The following ENOX1 variants were observed in gnomAD, a reference collection of about 807,000 sequenced individuals.
ENOX1 encodes ecto-NOX disulfide-thiol exchanger 1.
A neutral mutation model predicts 82.5 loss-of-function variants in ENOX1; 42 were observed. The observed-to-expected ratio is 0.51, with a 90% confidence interval of 0.40 to 0.66. The LOEUF is 0.66. Among genes scored for constraint, ENOX1 ranks in the 30% least tolerant of loss-of-function variants. The pLI is 0.00. For missense variants in ENOX1, 608 were observed against 811.6 expected, an observed-to-expected ratio of 0.75 and a Z score of 3.05; for synonymous variants, 271 against 282.2, an observed-to-expected ratio of 0.96 and a Z score of 0.40.
intron 1 of ENOX1, among the ~76,000 whole-genome samples, chr13:43,733,685 G>T (rs2089464178): frequency 6.6e-6 from 1 of 151,940 alleles, no homozygotes; most frequent in Non-Finnish European, 1.5e-5. Flanking sequence ...CTGCATCATT[G>T]ACATAAAAAA....
chr13:43,768,723 T>C (rs1368623403), intron 1 of ENOX1, among the ~76,000 whole-genome samples: 1 of 152,234 alleles, frequency 6.6e-6, no homozygotes, highest in Non-Finnish European at 1.5e-5. Flanking sequence ...CTTTATCTCA[T>C]CTATTTTTAC....
chr13:43,311,839 A>T (rs1280949617), intron 11 of ENOX1, among the ~76,000 whole-genome samples: 4 of 152,234 alleles, frequency 2.6e-5, no homozygotes, highest in African/African-American at 7.2e-5. Context: ...TTGTATTATG[A>T]CATTGTTTAA....
At chr13:43,528,177 A>C (rs1016398320) in intron 2 of ENOX1, among the ~76,000 whole-genome samples, 1 of 152,142 alleles carries the variant, frequency 6.6e-6, no homozygotes, top group Non-Finnish European at 1.5e-5. Flanking sequence ...ACAGACTTCT[A>C]GACCCACCTT....
intron 2 of ENOX1, among the ~76,000 whole-genome samples, chr13:43,516,291 C>T (rs1235251392): frequency 6.6e-6 from 1 of 152,160 alleles, no homozygotes; most frequent in African/African-American, 2.4e-5. Flanking sequence ...TCAGATAAAA[C>T]ATCTTTGAAG....
chr13:43,478,986 A>G (rs1239339084), intron 3 of ENOX1, among the ~76,000 whole-genome samples: 1 of 152,198 alleles, frequency 6.6e-6, no homozygotes, highest in Admixed American at 6.5e-5. Context: ...AAACTCCCCA[A>G]AGGTCAATTG....
intron 9 of ENOX1, among the ~76,000 whole-genome samples, chr13:43,327,946 C>A (rs1340091380): frequency 6.6e-6 from 1 of 152,142 alleles, no homozygotes; most frequent in Non-Finnish European, 1.5e-5. Context: ...TTACTATTTT[C>A]CACTTCAGGA....
At chr13:43,542,431 CTTTTTTTT>C (rs775618771) in intron 2 of ENOX1, among the ~76,000 whole-genome samples, 1 of 117,914 alleles carries the variant, frequency 8.5e-6, no homozygotes, top group Admixed American at 9.1e-5. Flanking sequence ...TGTGCCCGGC[CTTTTTTTT>C]TTTTTTTTTT....
intron 11 of ENOX1, among the ~76,000 whole-genome samples, chr13:43,317,260 GT>G (rs1338933309): frequency 6.6e-6 from 1 of 152,214 alleles, no homozygotes; most frequent in Non-Finnish European, 1.5e-5. Flanking sequence ...CTAAAAGGAA[GT>G]TTCTACCAGT....
At chr13:43,386,267 T>C (rs1214138911) in intron 5 of ENOX1, among the ~76,000 whole-genome samples, 3 of 152,218 alleles carry the variant, frequency 2.0e-5, no homozygotes, top group Non-Finnish European at 4.4e-5. Flanking sequence ...ACAGGATTCA[T>C]GTTACACATC....
chr13:43,659,727 G>A (rs1328582282), intron 2 of ENOX1, among the ~76,000 whole-genome samples: 1 of 152,112 alleles, frequency 6.6e-6, no homozygotes, highest in Non-Finnish European at 1.5e-5. Flanking sequence ...TTCCTTGAGG[G>A]AATCCCTGAT....
intron 1 of ENOX1, among the ~76,000 whole-genome samples, chr13:43,681,132 A>G (rs986960655): frequency 1.2e-4 from 18 of 152,260 alleles, no homozygotes; most frequent in African/African-American, 4.3e-4. Context: ...TCCTTCCTCA[A>G]GCATTGAGCT....
At chr13:43,622,181 T>C (rs2082763297) in intron 2 of ENOX1, among the ~76,000 whole-genome samples, 1 of 152,260 alleles carries the variant, frequency 6.6e-6, no homozygotes, top group Non-Finnish European at 1.5e-5. Flanking sequence ...TGCATTGGGC[T>C]TCACCTTTCT....
chr13:43,726,038 AATACC>A (rs1193337903), intron 1 of ENOX1, among the ~76,000 whole-genome samples: 2 of 152,056 alleles, frequency 1.3e-5, no homozygotes, highest in African/African-American at 4.8e-5. Flanking sequence ...ATAAGATAAC[AATACC>A]ATTTTTGTTT....
intron 1 of ENOX1, among the ~76,000 whole-genome samples, chr13:43,758,111 C>T (rs1190948685): frequency 6.6e-6 from 1 of 151,960 alleles, no homozygotes; most frequent in Non-Finnish European, 1.5e-5. Context: ...TGGTGTGTGC[C>T]TATAATCCCA....
At chr13:43,744,785 C>T (rs1199496401) in intron 1 of ENOX1, among the ~76,000 whole-genome samples, 2 of 152,174 alleles carry the variant, frequency 1.3e-5, no homozygotes, top group African/African-American at 4.8e-5. Flanking sequence ...GGTCTAAACA[C>T]AGCAAATCCT....
Position 43,224,057 on chromosome 13 carries a change from G to C in ENOX1, c.1796C>G (p.Ser599Cys), listed in dbSNP as rs1443414574. 1 of 1,613,124 alleles carries C rather than the reference G, an allele frequency of 6.2e-7. No homozygotes were observed. Among genetic ancestry groups the C allele is most frequent in the African/African-American group, 1.3e-5 (1 of 74,890 alleles). ...YLWSYMQQLD[S>C]KISANEIEML... ...CACTCGAGCAAAATAATTTACCTTG[G>C]AGTCCAGCTGCTGCATGTATGACCA... The change falls in exon 16 of 17, where the codon TCC becomes TGC. Residue 599 changes from serine to cysteine, a missense_variant. Ser to Cys is a moderately radical substitution (Grantham distance 112). Coordinates refer to ENST00000690772, the MANE Select transcript of ENOX1 (RefSeq NM_001347969.2).
At chr13:43,770,300 G>A (rs1042279780) in intron 1 of ENOX1, among the ~76,000 whole-genome samples, 2 of 152,170 alleles carry the variant, frequency 1.3e-5, no homozygotes, top group Non-Finnish European at 2.9e-5. Flanking sequence ...GTAAGTAGAA[G>A]GAGTAAAAGA....
At chr13:43,704,491 G>A (rs916010965) in intron 1 of ENOX1, among the ~76,000 whole-genome samples, 4 of 152,122 alleles carry the variant, frequency 2.6e-5, no homozygotes, top group African/African-American at 9.7e-5. Flanking sequence ...CACTGGGTAA[G>A]ATCTACTTTT....
At chr13:43,322,701 G>C (rs904970652) in intron 10 of ENOX1, among the ~76,000 whole-genome samples, 200 bp from the exon 11 acceptor site, 2 of 152,162 alleles carry the variant, frequency 1.3e-5, no homozygotes, top group South Asian at 4.1e-4. Context: ...ATTAATCCCT[G>C]CTCACCCATG....
Sources: allele counts gnomAD v4.1 joint callset (sites outside exome capture counted in the v4.1 genomes callset), GRCh38; gene constraint gnomAD v4.1.1; transcripts MANE v1.5; gene names NCBI Gene and HGNC (gene_info 2026-07-23, HGNC 2026-07-21).